Variants in GINS3 observed in about 807,000 individuals in gnomAD.
The protein encoded by GINS3 is DNA replication complex GINS protein PSF3.
In GINS3, 18 loss-of-function variants were observed where a neutral mutation model predicts 20.0. The ratio of observed to expected loss-of-function variants is 0.90; its 90% CI spans 0.62 to 1.33. The LOEUF is 1.33. Ranked by LOEUF, GINS3 falls within the 40% of genes most tolerant of loss-of-function variation. The probability of loss-of-function intolerance (pLI) is 0.00; values close to 1 mark genes in which losing one functional copy is unlikely to be tolerated. For synonymous variants in GINS3, 109 were observed against 107.0 expected, an observed-to-expected ratio of 1.02 and a Z score of -0.12; for missense variants, 254 against 273.6, an observed-to-expected ratio of 0.93 and a Z score of 0.51.
chr16:58,392,809 C>T (rs760040370), intron 1 of GINS3, 22 bp downstream of exon 1: 1 of 1,568,492 alleles, frequency 6.4e-7, no homozygotes, highest in Non-Finnish European at 8.6e-7. Flanking sequence ...GGTGCGGGGT[C>T]CTGCCCGGAA....
chr16:58,393,264 G>A (rs1965807756), intron 1 of GINS3, among the ~76,000 whole-genome samples: 1 of 152,134 alleles, frequency 6.6e-6, no homozygotes. Flanking sequence ...CCCTACTGAG[G>A]CTTACTTAGT....
Position 58,404,782 on chromosome 16 carries a change from T to A in GINS3, c.*53T>A. 7.8e-7 allele frequency: 1 copy of A among 1,286,250 alleles called. No individual in the cohort carries two copies. Among genetic ancestry groups the A allele is most frequent in the East Asian group, 2.4e-5 (1 of 41,334 alleles). 79.7% of individuals were successfully genotyped at this position (1,286,250 alleles called of 1,614,324 possible). A position where few individuals can be genotyped will look rare whatever the true frequency, so the allele number is the denominator to read the frequency against. ...CACAGACGTATCCCTCCGTGTGTCCTTGATAGGAGCTGGTTGACCTTGTAC... is the reference window on the plus strand; with the variant it reads ...CACAGACGTATCCCTCCGTGTGTCCATGATAGGAGCTGGTTGACCTTGTAC... On this transcript the variant is annotated 3_prime_UTR_variant, in exon 3 of 3. Coordinates refer to ENST00000318129, the MANE Select transcript of GINS3 (RefSeq NM_022770.4).
chr16:58,400,094 A>C lies in GINS3; in HGVS notation c.187-3004A>C, dbSNP rs539997525. Among the ~76,000 whole-genome samples, 13 of 152,286 alleles carry C rather than the reference A, an allele frequency of 8.5e-5. No homozygotes were observed. In the South Asian group the frequency reaches 2.7e-3, roughly 32 times the overall value. On this transcript the variant is annotated intron_variant, in intron 1 of 2. Transcript: ENST00000318129. Reference sequence around the variant, plus strand: ...TCTGGATCTTCTGGTGATAAGTCTCAGTTTCTGTCTGTGTCACAGATGCCC... The same window carrying C: ...TCTGGATCTTCTGGTGATAAGTCTCCGTTTCTGTCTGTGTCACAGATGCCC...
At chr16:58,403,492 T>TACACACACACACACAC (rs371591519) in intron 2 of GINS3, 161 bp downstream of exon 2, 14 of 594,032 alleles carry the variant, frequency 2.4e-5, no homozygotes, top group African/African-American at 2.1e-4. Flanking sequence ...TATTTACATA[T>TACACACACACACACAC]ATACACACAC....
intron 1 of GINS3, among the ~76,000 whole-genome samples, chr16:58,396,931 G>A (rs949141322): frequency 6.7e-6 from 1 of 150,022 alleles, no homozygotes; most frequent in Admixed American, 6.6e-5. Context: ...GGCTGGCCGG[G>A]CAGAGGTGCT....
chr16:58,400,433 C>T (rs1447829143), intron 1 of GINS3, among the ~76,000 whole-genome samples: 1 of 152,246 alleles, frequency 6.6e-6, no homozygotes, highest in African/African-American at 2.4e-5. Flanking sequence ...GTGGCACTTT[C>T]TGTCTAGCAC....
intron 1 of GINS3, among the ~76,000 whole-genome samples, chr16:58,396,839 G>A (rs1181403201): frequency 2.9e-5 from 4 of 139,652 alleles, no homozygotes; most frequent in East Asian, 2.2e-4. Context: ...AGGGGCGGCC[G>A]GGCAGAGGCG....
At chr16:58,396,336 G>A (rs1311098071) in intron 1 of GINS3, among the ~76,000 whole-genome samples, 4 of 128,344 alleles carry the variant, frequency 3.1e-5, no homozygotes, top group African/African-American at 6.3e-5. Flanking sequence ...CAGTAGGGGC[G>A]GCCGGGCAGA....
At chr16:58,400,496 T>C (rs990946209) in intron 1 of GINS3, among the ~76,000 whole-genome samples, 2 of 152,212 alleles carry the variant, frequency 1.3e-5, no homozygotes, top group Admixed American at 1.3e-4. Context: ...ATGAATCACA[T>C]TGTTTGCACA....
chr16:58,395,168 C>G (rs1965833228), intron 1 of GINS3: 2 of 433,178 alleles, frequency 4.6e-6, no homozygotes, highest in African/African-American at 4.1e-5. Flanking sequence ...CTTGACCTCC[C>G]AGGCTCCAGA....
intron 1 of GINS3, among the ~76,000 whole-genome samples, chr16:58,399,845 A>G (rs1001041551): frequency 3.9e-5 from 6 of 152,216 alleles, no homozygotes; most frequent in African/African-American, 1.4e-4. Flanking sequence ...TATATAAGTT[A>G]CTACTTTCAC....
rs776373941 is a variant in GINS3, at chr16:58,403,122, T to C, written c.211T>C (p.Trp71Arg). 6.8e-6 allele frequency: 11 copies of C among 1,614,112 alleles called. No homozygotes were observed. Among genetic ancestry groups the C allele is most frequent in the Non-Finnish European group, 9.3e-6 (11 of 1,180,036 alleles). ...PQGSKLELPL[W>R]LAKGLFDNKR... is the part of the protein sequence containing the mutation. Reference sequence around the variant, plus strand: ...GGGTTCCAAGCTTGAACTACCCTTGTGGCTGGCAAAAGGACTTTTTGACAA... The same window carrying C: ...GGGTTCCAAGCTTGAACTACCCTTGCGGCTGGCAAAAGGACTTTTTGACAA... The change falls in exon 2 of 3, where the codon TGG becomes CGG. Residue 71 changes from tryptophan to arginine, a missense_variant. Transcript: ENST00000318129.
intron 2 of GINS3, 197 bp from the exon 3 acceptor site, chr16:58,404,302 C>A: frequency 1.7e-6 from 1 of 585,856 alleles, no homozygotes; most frequent in East Asian, 2.9e-5. Flanking sequence ...TCATAACAAT[C>A]CACTTCACAG....
At position 58,405,427 on chromosome 16, in the gene GINS3, T is replaced by C. The variant is rs1966020362; in HGVS notation, c.*698T>C. 1 of 152,262 alleles carries C rather than the reference T, an allele frequency of 6.6e-6. No individual in the cohort carries two copies. The highest frequency in any genetic ancestry group is 6.5e-5 in the Admixed American group (1 of 15,280). The allele number at this position is 152,262 out of a possible 1,614,324, so 9.4% of individuals were successfully genotyped here. A position where few individuals can be genotyped will look rare whatever the true frequency, so the allele number is the denominator to read the frequency against. On this transcript the variant is annotated 3_prime_UTR_variant, in exon 3 of 3. Transcript: ENST00000318129. Reference sequence around the variant, plus strand: ...AGAAGGGAAATGGTTAAACTGAGCTTGTTATTGCCTCGGAGAGCCTAAGAG... The same window carrying C: ...AGAAGGGAAATGGTTAAACTGAGCTCGTTATTGCCTCGGAGAGCCTAAGAG...
intron 1 of GINS3, among the ~76,000 whole-genome samples, chr16:58,397,004 G>T (rs1377091628): frequency 2.1e-5 from 3 of 144,508 alleles, no homozygotes; most frequent in African/African-American, 7.9e-5. Flanking sequence ...AGGGCGGCTG[G>T]CTGGGCGGGG....
chr16:58,394,620 T>C (rs1031317693), intron 1 of GINS3, among the ~76,000 whole-genome samples: 2 of 152,248 alleles, frequency 1.3e-5, no homozygotes, highest in African/African-American at 4.8e-5. Context: ...GTACTGGGAT[T>C]ACAGGCGTAA....
intron 1 of GINS3, among the ~76,000 whole-genome samples, chr16:58,395,878 G>A (rs1965847634): frequency 6.6e-6 from 1 of 152,064 alleles, no homozygotes; most frequent in East Asian, 1.9e-4. Context: ...TGGCCGGGCA[G>A]AGGGGCTCCT....
chr16:58,400,847 C>T (rs1965944290), intron 1 of GINS3, among the ~76,000 whole-genome samples: 1 of 142,166 alleles, frequency 7.0e-6, no homozygotes, highest in South Asian at 2.3e-4. Context: ...CAGAGTCTTG[C>T]TCTGTCGCCC....
chr16:58,403,416 G>A, intron 2 of GINS3, 85 bp downstream of exon 2: 2 of 1,051,198 alleles, frequency 1.9e-6, no homozygotes, highest in South Asian at 3.1e-5. Flanking sequence ...GACAGTGTAT[G>A]ACTTGTAAAT....
Sources: gnomAD v4.1 joint callset for allele counts (sites outside exome capture counted in the v4.1 genomes callset) on GRCh38, gnomAD v4.1.1 for gene constraint, MANE v1.5 for transcripts, NCBI Gene and HGNC (gene_info 2026-07-23, HGNC 2026-07-21) for gene names.